LRRC56: variants seen among roughly 807,000 people sequenced by gnomAD.
LRRC56 encodes the protein leucine rich repeat containing 56, also known as leucine-rich repeat-containing protein 56.
LRRC56 carries 41 observed loss-of-function variants against 47.8 expected under a neutral mutation model. That is an observed-to-expected ratio of 0.86 (90% CI 0.67 to 1.11). The LOEUF is 1.11. LRRC56 is among the 50% of genes most tolerant of loss of function. The pLI is 0.00. For missense variants in LRRC56, 759 were observed against 704.2 expected (o/e 1.08, Z -0.88); for synonymous variants, 387 against 311.2 (o/e 1.24, Z -2.56).
chr11:510,630 C>T, the LRRC56 span, among the ~76,000 whole-genome samples: 2 of 152,014 alleles, frequency 1.3e-5, no homozygotes, highest in East Asian at 1.9e-4. Context: ...CCCAGCTACT[C>T]GGGAGACTGA....
chr11:539,120 G>A (rs573438016), intron 2 of LRRC56, among the ~76,000 whole-genome samples: 5 of 152,292 alleles, frequency 3.3e-5, no homozygotes, highest in South Asian at 4.1e-4. Context: ...TCTCTCTGTC[G>A]CCCAGGCTGG....
the LRRC56 span, among the ~76,000 whole-genome samples, chr11:528,191 C>T: frequency 6.6e-6 from 1 of 152,206 alleles, no homozygotes; most frequent in Non-Finnish European, 1.5e-5. Flanking sequence ...AGAGTTTACG[C>T]GTGGCCTTGT....
intron 6 of LRRC56, 72 bp downstream of exon 6, chr11:544,852 G>T: frequency 7.0e-7 from 1 of 1,425,800 alleles, no homozygotes; most frequent in Non-Finnish European, 9.8e-7. Context: ...TGCAGGGATG[G>T]GGGGAGAACT....
chr11:530,344 C>T, the LRRC56 span, among the ~76,000 whole-genome samples: 2 of 152,216 alleles, frequency 1.3e-5, no homozygotes, highest in African/African-American at 4.8e-5. Flanking sequence ...CACCCGGCAG[C>T]CCTAGAGGGC....
intron 6 of LRRC56, 124 bp downstream of exon 6, chr11:544,904 G>A (rs1357917361): frequency 1.0e-6 from 1 of 997,320 alleles, no homozygotes; most frequent in Non-Finnish European, 1.5e-6. Context: ...AGGGACCCAG[G>A]GGTCTAGAGA....
At chr11:543,756 A>ATTTTTT (rs139566963) in intron 5 of LRRC56, among the ~76,000 whole-genome samples, 2 of 148,110 alleles carry the variant, frequency 1.4e-5, no homozygotes, top group African/African-American at 5.0e-5. Context: ...CCCTTCTTTT[A>ATTTTTT]TTTTTTTTTT....
chr11:523,022 A>G, the LRRC56 span, among the ~76,000 whole-genome samples: 3 of 151,978 alleles, frequency 2.0e-5, no homozygotes, highest in South Asian at 4.2e-4. Flanking sequence ...AAACAACAAT[A>G]TATAGTTTTT....
chr11:550,374 C>A, intron 8 of LRRC56, 102 bp downstream of exon 8: 3 of 1,111,110 alleles, frequency 2.7e-6, no homozygotes, highest in South Asian at 3.2e-5. Context: ...TCTGTGCCCA[C>A]CCGCACCCTA....
At chr11:508,173 TATTTGTTTTC>T in the LRRC56 span, among the ~76,000 whole-genome samples, 1 of 152,222 alleles carries the variant, frequency 6.6e-6, no homozygotes, top group Non-Finnish European at 1.5e-5. Flanking sequence ...CTTTATTAGG[TATTTGTTTTC>T]GAGACAGGGT....
At position 550,158 on chromosome 11, in the gene LRRC56, C is replaced by T. The variant is rs1440565772; in HGVS notation, c.510C>T (p.Asn170=). 1 of 1,613,428 alleles carries T rather than the reference C, an allele frequency of 6.2e-7. No homozygotes were observed. The highest frequency in any genetic ancestry group is 8.5e-7 in the Non-Finnish European group (1 of 1,179,860). ...TGGAGGTGCTGGACCTGGAGGGCAA[C>T]AGCGTGGAGGACCTGGGGCAGGTGC... ...EQLEVLDLEG[N]SVEDLGQVRY... is the part of the protein sequence containing the mutation. The change falls in exon 8 of 14, where the codon AAC becomes AAT. Residue 170 remains asparagine, a synonymous_variant. Transcript: ENST00000270115.
chr11:540,830 TG>T lies in LRRC56; in HGVS notation c.148del (p.Val50TrpfsTer22), dbSNP rs1421592107. On this transcript the variant is annotated frameshift_variant, in exon 4 of 14. Coordinates refer to ENST00000270115, the MANE Select transcript of LRRC56 (RefSeq NM_198075.4). LOFTEE classifies it high-confidence loss of function. The part of the protein sequence containing the change: ...GSQRDRLGEQ[L>X]VEEYLSPARL... Reference sequence around the variant, plus strand: ...CAGAGGGACAGACTTGGAGAGCAGCTGGTGGAAGAGTACCTGTCCCCTGCCC... The same window carrying T: ...CAGAGGGACAGACTTGGAGAGCAGCTGTGGAAGAGTACCTGTCCCCTGCCC... 12 of 1,586,068 alleles carry T rather than the reference TG, an allele frequency of 7.6e-6. No homozygotes were observed. In the South Asian group the frequency reaches 8.0e-5, roughly 11 times the overall value.
rs775939023 is a variant in LRRC56 at position 541,524 on chromosome 11, T to G, written c.178-13T>G. On this transcript the variant is annotated splice_polypyrimidine_tract_variant and intron_variant, in intron 4 of 13. Coordinates refer to ENST00000270115, the MANE Select transcript of LRRC56 (RefSeq NM_198075.4). This position sits in a 1 kb window ranked among gnomAD's most constrained non-coding sequence, Gnocchi z 4.1. ...AGCCAGGACCAGCGCTGACCCCCGG[T>G]TGGTTTCTACAGCAGGCCCTGGCCC... 1.3e-6 allele frequency: 2 copies of G among 1,520,944 alleles called. No individual in the cohort carries two copies. Among genetic ancestry groups the G allele is most frequent in the Non-Finnish European group, 1.8e-6 (2 of 1,124,176 alleles). The allele number at this position is 1,520,944 out of a possible 1,614,324, so 94.2% of individuals were successfully genotyped here. A position where few individuals can be genotyped will look rare whatever the true frequency, so the allele number is the denominator to read the frequency against.
At chr11:539,550 ATTT>A (rs5789201) in intron 2 of LRRC56, 27 bp from the exon 3 acceptor site, 4,543 of 129,496 alleles carry the variant, frequency 0.035, 194 homozygotes, top group African/African-American at 0.11. Context: ...ACGCCAGCTA[ATTT>A]TTTTTTTTTT....
chr11:532,602 G>C, upstream of LRRC56: 7 of 1,599,584 alleles, frequency 4.4e-6, no homozygotes, highest in Non-Finnish European at 5.9e-6. Context: ...TCCGGTGGGC[G>C]TGGCGGCCGC....
rs778327533 is a variant in LRRC56, at chr11:552,155, C to T, written c.1104C>T (p.Thr368=). The change falls in exon 12 of 14, where the codon ACC becomes ACT. Residue 368 remains threonine (T), a synonymous_variant. Transcript: ENST00000270115. ...RPGDPAASTS[T]PEPDPADSSD... ...GAGATCCGGCCGCCAGCACTTCCAC[C>T]CCAGAGCCTGACCCTGCAGACAGCT... 1.2e-6 allele frequency: 2 copies of T among 1,612,784 alleles called. No homozygotes were observed. Among genetic ancestry groups the T allele is most frequent in the Non-Finnish European group, 1.7e-6 (2 of 1,179,926 alleles).
At chr11:552,055 C>T (rs370816621) in intron 11 of LRRC56, 35 bp from the exon 12 acceptor site, 14 of 1,604,656 alleles carry the variant, frequency 8.7e-6, no homozygotes, top group South Asian at 2.2e-5. Context: ...CATTCCAGGG[C>T]CAGAATCCCT....
intron 13 of LRRC56, 56 bp downstream of exon 13, chr11:552,758 C>A: frequency 2.0e-6 from 3 of 1,475,368 alleles, no homozygotes; most frequent in Non-Finnish European, 2.8e-6. Flanking sequence ...CACCCCACTT[C>A]TATAGGGGGG....
upstream of LRRC56, chr11:534,446 G>A: frequency 7.9e-6 from 6 of 757,226 alleles, no homozygotes; most frequent in Non-Finnish European, 1.3e-5. Context: ...TGCTGGCAGG[G>A]CCATCTGAAG....
chr11:544,783 G>C lies in LRRC56; in HGVS notation c.326+3G>C, dbSNP rs1244737933. The C allele has an allele frequency of 1.9e-6, 3 of 1,611,698 alleles. No homozygotes were observed. Among genetic ancestry groups the C allele is most frequent in the African/African-American group, 1.3e-5 (1 of 74,780 alleles). On this transcript the variant is annotated splice_donor_region_variant and intron_variant, in intron 6 of 13. Coordinates refer to ENST00000270115, the MANE Select transcript of LRRC56 (RefSeq NM_198075.4). ...GGCAGCCACCTGGGCTCCCTGAGGT[G>C]AGCGCCTGAGGGGGGTGGGCTGGGG...
Sources: allele counts gnomAD v4.1 joint callset (sites outside exome capture counted in the v4.1 genomes callset), GRCh38; gene constraint gnomAD v4.1.1; non-coding constraint Gnocchi (gnomAD v3.1); transcripts MANE v1.5; gene names NCBI Gene and HGNC (gene_info 2026-07-23, HGNC 2026-07-21).